Variants in ZNF496 observed in about 807,000 individuals in gnomAD.
The protein encoded by ZNF496 is zinc finger protein 496, also known as NSD1 (nuclear receptor binding SET-domain containing 1)-interacting zinc finger protein 1.
ZNF496 carries 11 observed loss-of-function variants against 58.9 expected under a neutral mutation model. That is an observed-to-expected ratio of 0.19 (90% CI 0.12 to 0.31). The LOEUF (loss-of-function observed/expected upper bound fraction) is 0.31, where lower values mean the gene tolerates loss of function less well. Ranked by LOEUF, ZNF496 falls within the 10% of genes least tolerant of loss-of-function variation. ZNF496 has a pLI of 1.00. For synonymous variants in ZNF496, 338 were observed against 318.2 expected, an observed-to-expected ratio of 1.06 and a Z score of -0.66; for missense variants, 660 against 783.0, an observed-to-expected ratio of 0.84 and a Z score of 1.88.
At chr1:247,303,110 G>T (rs1659300353) in intron 9 of ZNF496, among the ~76,000 whole-genome samples, 1 of 152,208 alleles carries the variant, frequency 6.6e-6, no homozygotes, top group South Asian at 2.1e-4. Context: ...CTTTCAAGAA[G>T]TAATTAAGTC....
chr1:247,316,171 T>TGTGTGTGTGC (rs1484871717), intron 6 of ZNF496, among the ~76,000 whole-genome samples: 3 of 139,032 alleles, frequency 2.2e-5, no homozygotes, highest in Non-Finnish European at 3.2e-5. Flanking sequence ...TGTGTGTGTG[T>TGTGTGTGTGC]GCACGACTTC....
chr1:247,308,922 A>G lies in ZNF496; in HGVS notation c.893-334T>C. 1 of 345,070 alleles carries G rather than the reference A, an allele frequency of 2.9e-6. No homozygotes were observed. Among genetic ancestry groups the G allele is most frequent in the Non-Finnish European group, 5.6e-6 (1 of 177,990 alleles). The allele number at this position is 345,070 out of a possible 1,614,324, so 21.4% of individuals were successfully genotyped here. ...GTGGGTTTTCTATAGTCATCACCACAGGCTCCTGCACACTCCGCACATCCT... is the reference window on the plus strand; with the variant it reads ...GTGGGTTTTCTATAGTCATCACCACGGGCTCCTGCACACTCCGCACATCCT... On this transcript the variant is annotated intron_variant, in intron 8 of 9. Transcript: ENST00000682384. The surrounding 1 kb of genome is among the most constrained non-coding windows in gnomAD (Gnocchi z 4.5).
At chr1:247,326,475 A>G (rs1391301886) in intron 5 of ZNF496, among the ~76,000 whole-genome samples, 1 of 152,124 alleles carries the variant, frequency 6.6e-6, no homozygotes, top group Non-Finnish European at 1.5e-5. Flanking sequence ...CTTTATCAAG[A>G]AGCAACTGCA....
At position 247,329,155 on chromosome 1, in the gene ZNF496, C is replaced by G. The variant is rs761952394; in HGVS notation, c.390+34G>C. 2.5e-6 allele frequency: 4 copies of G among 1,612,912 alleles called. No individual in the cohort carries two copies. The highest frequency in any genetic ancestry group is 3.4e-6 in the Non-Finnish European group (4 of 1,179,988). Reference sequence around the variant, plus strand: ...CAGCCAAAGTGTCTAAGTACCAGATCTCTACCCGTCCCAGCCCCACCTCTT... The same window carrying G: ...CAGCCAAAGTGTCTAAGTACCAGATGTCTACCCGTCCCAGCCCCACCTCTT... On this transcript the variant is annotated intron_variant, in intron 4 of 9. Coordinates refer to ENST00000682384, the MANE Select transcript of ZNF496 (RefSeq NM_032752.3). This position sits in a 1 kb window ranked among gnomAD's most constrained non-coding sequence, Gnocchi z 5.5.
Position 247,300,723 on chromosome 1 carries a change from C to A in ZNF496, c.1560G>T (p.Leu520=), listed in dbSNP as rs375696216. 1.8e-4 allele frequency: 297 copies of A among 1,613,162 alleles called. No homozygotes were observed. The highest frequency in any genetic ancestry group is 1.5e-4 in the Non-Finnish European group (182 of 1,179,416). ...KEPLENGKAK[L]SFQCCECGKA... is the part of the protein sequence containing the mutation. ...TCCCACACTCACAGCACTGGAAGCT[C>A]AGTTTGGCCTTGCCGTTTTCCAGCG... Residue 520 remains leucine (L), a synonymous_variant, in exon 10 of 10, where the codon CTG becomes CTT. Coordinates refer to ENST00000682384, the MANE Select transcript of ZNF496 (RefSeq NM_032752.3). This position sits in a 1 kb window ranked among gnomAD's most constrained non-coding sequence, Gnocchi z 5.7.
rs115019528 is a variant in ZNF496, at chr1:247,316,547, C to T, written c.652-6091G>A. On this transcript the variant is annotated intron_variant, in intron 6 of 9. Transcript: ENST00000682384. ...GCCATGTGACGCCCTGCACCCACCT[C>T]GGGACACCACAGAGCCCCCACCAGC... Among the ~76,000 whole-genome samples the T allele has an allele frequency of 2.4e-3, 360 of 152,236 alleles. 4 individuals are homozygous for T. The highest frequency in any genetic ancestry group is 8.4e-3 in the African/African-American group (348 of 41,538).
chr1:247,313,154 G>A (rs1263728951), intron 6 of ZNF496: 2 of 152,184 alleles, frequency 1.3e-5, no homozygotes, highest in African/African-American at 4.8e-5. Context: ...ATTTATGATG[G>A]ATTTGCCCTT....
intron 5 of ZNF496, among the ~76,000 whole-genome samples, chr1:247,327,309 C>A (rs1243864028): frequency 6.6e-6 from 1 of 152,196 alleles, no homozygotes; most frequent in Non-Finnish European, 1.5e-5. Context: ...GGTGATCCGC[C>A]CGCCTTGGCC....
At chr1:247,301,872 T>G (rs1659250608) in intron 9 of ZNF496, among the ~76,000 whole-genome samples, 1 of 152,182 alleles carries the variant, frequency 6.6e-6, no homozygotes, top group South Asian at 2.1e-4. Context: ...GAAATGCTAC[T>G]CAGCCTTGCT....
chr1:247,328,577 A>T, intron 5 of ZNF496, 106 bp downstream of exon 5: 1 of 1,214,398 alleles, frequency 8.2e-7, no homozygotes, highest in Non-Finnish European at 1.1e-6. Context: ...ACACGAGAAC[A>T]CTGCTGATGT....
chr1:247,320,044 A>G (rs1490288801), intron 6 of ZNF496, among the ~76,000 whole-genome samples: 1 of 152,254 alleles, frequency 6.6e-6, no homozygotes, highest in Non-Finnish European at 1.5e-5. Flanking sequence ...ATCAAAAGAA[A>G]GAAGAAAAGC....
intron 5 of ZNF496, among the ~76,000 whole-genome samples, chr1:247,327,062 C>CT (rs928729699): frequency 8.6e-5 from 13 of 151,362 alleles, no homozygotes; most frequent in East Asian, 3.9e-4. Context: ...CTCCTAGCTC[C>CT]TTTTTTTTTG....
intron 6 of ZNF496, among the ~76,000 whole-genome samples, chr1:247,315,717 C>CT (rs2103024830): frequency 6.6e-6 from 1 of 152,216 alleles, no homozygotes; most frequent in East Asian, 1.9e-4. Context: ...TTCTTGCCAT[C>CT]TTCCCTAACT....
rs763352476 is a variant in ZNF496, at chr1:247,299,431, A to G, written c.*1088T>C. ...CCCTCACAGCTCTCGGAAGGCACCA[A>G]CTCTGAGGACACCCTGATCTTGGAC... is the stretch of plus-strand genomic sequence containing the variant. On this transcript the variant is annotated 3_prime_UTR_variant, in exon 10 of 10. Coordinates refer to ENST00000682384, the MANE Select transcript of ZNF496 (RefSeq NM_032752.3). 6.6e-6 allele frequency: 1 copy of G among 152,244 alleles called. No homozygotes were observed. The highest frequency in any genetic ancestry group is 1.5e-5 in the Non-Finnish European group (1 of 68,084). 9.4% of individuals were successfully genotyped at this position (152,244 alleles called of 1,614,324 possible).
intron 6 of ZNF496, among the ~76,000 whole-genome samples, chr1:247,317,101 T>C (rs533841878): frequency 5.3e-5 from 8 of 152,242 alleles, no homozygotes; most frequent in African/African-American, 1.9e-4. Context: ...TCAGAGGAGA[T>C]TTTTCTAATG....
At chr1:247,313,988 G>A (rs2103023675) in intron 6 of ZNF496, 1 of 152,298 alleles carries the variant, frequency 6.6e-6, no homozygotes, top group East Asian at 1.9e-4. Flanking sequence ...AGGTGTAACA[G>A]GGAGATTTTT....
chr1:247,307,970 G>A, intron 9 of ZNF496: 1 of 985,448 alleles, frequency 1.0e-6, no homozygotes, highest in Non-Finnish European at 1.2e-6. Context: ...CAGTATGCCA[G>A]AAACCTGCTC....
intron 5 of ZNF496, among the ~76,000 whole-genome samples, chr1:247,323,834 T>C (rs1252556853): frequency 2.0e-5 from 3 of 149,900 alleles, no homozygotes; most frequent in Non-Finnish European, 4.4e-5. Flanking sequence ...ACTCTTAGGG[T>C]CTGGATGTGG....
Position 247,300,799 on chromosome 1 carries a change from T to C in ZNF496, c.1484A>G (p.Glu495Gly). Reference protein sequence around the residue: ...HLQPDRLQPVEKREQAASEDA... With the variant: ...HLQPDRLQPVGKREQAASEDA... The stretch of plus-strand genomic sequence containing the variant: ...CTCGGATGCCGCCTGCTCTCTCTTC[T>C]CCACCGGCTGGAGTCTGTCCGGCTG... The change falls in exon 10 of 10, where the codon GAG becomes GGG. Residue 495 changes from glutamate (E) to glycine (G), a missense_variant. Glu to Gly is a moderately conservative substitution (Grantham distance 98, BLOSUM62 -2). Transcript: ENST00000682384. This position sits in a 1 kb window ranked among gnomAD's most constrained non-coding sequence, Gnocchi z 5.7. The C allele has an allele frequency of 6.2e-7, 1 of 1,601,552 alleles. No individual in the cohort carries two copies. The highest frequency in any genetic ancestry group is 1.7e-5 in the Admixed American group (1 of 59,514).
Sources: allele counts gnomAD v4.1 joint callset (sites outside exome capture counted in the v4.1 genomes callset), GRCh38; gene constraint gnomAD v4.1.1; non-coding constraint Gnocchi (gnomAD v3.1); transcripts MANE v1.5; gene names NCBI Gene and HGNC (gene_info 2026-07-23, HGNC 2026-07-21).